The following MACROD2 variants were observed in gnomAD, a reference collection of about 807,000 sequenced individuals.
MACROD2 encodes the protein ADP-ribose glycohydrolase MACROD2.
MACROD2 carries 36 observed loss-of-function variants against 70.4 expected under a neutral mutation model. That is an observed-to-expected ratio of 0.51 (90% CI 0.39 to 0.68). The LOEUF (loss-of-function observed/expected upper bound fraction) is 0.68, where lower values mean the gene tolerates loss of function less well. Among genes scored for constraint, MACROD2 ranks in the 30% least tolerant of loss-of-function variants. MACROD2 has a pLI of 0.00. For missense variants in MACROD2, 496 were observed against 538.4 expected (o/e 0.92, Z 0.78); for synonymous variants, 172 against 178.8 (o/e 0.96, Z 0.30).
chr20:14,095,104 A>G (rs554350608), intron 3 of MACROD2, among the ~76,000 whole-genome samples: 2 of 152,252 alleles, frequency 1.3e-5, no homozygotes, highest in Admixed American at 6.5e-5. Context: ...CCAATCTTGA[A>G]TGAGTGTCAG....
chr20:15,465,064 C>T (rs1312926529), intron 7 of MACROD2, among the ~76,000 whole-genome samples: 1 of 151,990 alleles, frequency 6.6e-6, no homozygotes, highest in Non-Finnish European at 1.5e-5. Flanking sequence ...ATACTCTCTC[C>T]CTATTTTTTT....
At chr20:14,281,230 T>C (rs1431200152) in intron 3 of MACROD2, among the ~76,000 whole-genome samples, 1 of 152,178 alleles carries the variant, frequency 6.6e-6, no homozygotes, top group Non-Finnish European at 1.5e-5. Flanking sequence ...TACAATGGAA[T>C]TATTTGCCCA....
At chr20:14,917,620 C>T (rs1015822949) in intron 5 of MACROD2, among the ~76,000 whole-genome samples, 3 of 152,030 alleles carry the variant, frequency 2.0e-5, no homozygotes, top group South Asian at 4.2e-4. Context: ...AACACACCGA[C>T]TACAACAAAT....
chr20:14,074,758 T>TCGA (rs2053895547), intron 2 of MACROD2, among the ~76,000 whole-genome samples: 1 of 152,194 alleles, frequency 6.6e-6, no homozygotes, highest in Non-Finnish European at 1.5e-5. Context: ...TACAGTAGTC[T>TCGA]CCCCTGATCC....
At chr20:14,503,117 C>G (rs429495) in intron 4 of MACROD2, among the ~76,000 whole-genome samples, 124,813 of 152,098 alleles carry the variant, frequency 0.82, 51,642 homozygotes, top group East Asian at 1. Context: ...CAGGCACATG[C>G]TTGGCACTGG....
At chr20:15,004,511 T>C (rs2075020873) in intron 5 of MACROD2, among the ~76,000 whole-genome samples, 1 of 152,216 alleles carries the variant, frequency 6.6e-6, no homozygotes, top group African/African-American at 2.4e-5. Context: ...TACTACCAGA[T>C]AGCTATCTAT....
rs189889229 is a variant in MACROD2 at position 14,625,308 on chromosome 20, C to G, written c.302-59535C>G. 1.1e-4 allele frequency among the ~76,000 whole-genome samples: 16 copies of G among 151,138 alleles called. 1 individual carries two copies. The highest frequency in any genetic ancestry group is 3.9e-4 in the African/African-American group (16 of 41,122). On this transcript the variant is annotated intron_variant, in intron 4 of 17. Coordinates refer to ENST00000684519, the MANE Select transcript of MACROD2 (RefSeq NM_001351661.2). ...TGCCATTTAACTCTAGCCTGGGTGA[C>G]AAGAGCGAAACTCAGTCTCAAAAAA...
At chr20:14,835,178 T>G (rs1306813874) in intron 5 of MACROD2, among the ~76,000 whole-genome samples, 1 of 152,066 alleles carries the variant, frequency 6.6e-6, no homozygotes, top group Non-Finnish European at 1.5e-5. Context: ...CCATTGTTAC[T>G]TTTTGTTTAT....
rs1020823480 is a variant in MACROD2 at position 14,144,230 on chromosome 20, T to G, written c.271+58502T>G. On this transcript the variant is annotated intron_variant, in intron 3 of 17. Coordinates refer to ENST00000684519, the MANE Select transcript of MACROD2 (RefSeq NM_001351661.2). ...TAAAGAAAAGCAAAAACTTTGAAAT[T>G]TTTTGATAAGTGGAAATATAGATAT... Among the ~76,000 whole-genome samples, 45 of 152,218 alleles carry G rather than the reference T, an allele frequency of 3.0e-4. 4 individuals carry two copies. Among genetic ancestry groups the G allele is most frequent in the Admixed American group, 2.1e-3 (32 of 15,278 alleles).
At chr20:15,213,213 A>C (rs775975920) in intron 5 of MACROD2, among the ~76,000 whole-genome samples, 1 of 152,200 alleles carries the variant, frequency 6.6e-6, no homozygotes. Context: ...AGTGGGCCCT[A>C]GAATGAAGGA....
chr20:14,018,791 C>G (rs192868626), intron 2 of MACROD2, among the ~76,000 whole-genome samples: 14 of 152,290 alleles, frequency 9.2e-5, no homozygotes, highest in Middle Eastern at 3.4e-3. Context: ...TGTCATTGAG[C>G]AGTGGGCTTG....
intron 9 of MACROD2, among the ~76,000 whole-genome samples, chr20:15,866,646 A>G (rs973026528): frequency 1.3e-5 from 2 of 152,194 alleles, no homozygotes; most frequent in Admixed American, 1.3e-4. Context: ...GAAGGCTGAG[A>G]TCAACTTCCA....
At position 14,816,109 on chromosome 20, in the gene MACROD2, A is replaced by G. The variant is rs564440813; in HGVS notation, c.418+131150A>G. 8.2e-4 allele frequency among the ~76,000 whole-genome samples: 125 copies of G among 152,214 alleles called. 1 individual carries two copies. The highest frequency in any genetic ancestry group is 1.6e-3 in the Non-Finnish European group (107 of 67,970). On this transcript the variant is annotated intron_variant, in intron 5 of 17. Transcript: ENST00000684519. Reference sequence around the variant, plus strand: ...AGTTGAGTGGAAAATGGAATGAGCAATACGCCCTCAGTTTACTATTCCTTC... The same window carrying G: ...AGTTGAGTGGAAAATGGAATGAGCAGTACGCCCTCAGTTTACTATTCCTTC...
intron 2 of MACROD2, among the ~76,000 whole-genome samples, chr20:14,039,479 A>C (rs2053359387): frequency 6.6e-6 from 1 of 152,122 alleles, no homozygotes; most frequent in African/African-American, 2.4e-5. Flanking sequence ...TTTTAAATAA[A>C]TCCTTAGTAA....
intron 8 of MACROD2, among the ~76,000 whole-genome samples, chr20:15,513,625 C>T (rs1448762191): frequency 1.3e-5 from 2 of 152,188 alleles, no homozygotes; most frequent in Admixed American, 6.5e-5. Context: ...TATACTCAAA[C>T]CCTACATCAT....
intron 8 of MACROD2, among the ~76,000 whole-genome samples, chr20:15,748,477 T>C (rs927366913): frequency 1.3e-5 from 2 of 152,000 alleles, no homozygotes; most frequent in South Asian, 2.1e-4. Context: ...TTGGGGCTTG[T>C]GGTGGAATAT....
intron 4 of MACROD2, among the ~76,000 whole-genome samples, chr20:14,518,295 TCTAA>T (rs1345477795): frequency 5.9e-5 from 9 of 152,284 alleles, no homozygotes; most frequent in Non-Finnish European, 8.8e-5. Context: ...TATTTAATTA[TCTAA>T]CTAACTCAAC....
intron 4 of MACROD2, among the ~76,000 whole-genome samples, chr20:14,505,916 A>C (rs2084964191): frequency 6.6e-6 from 1 of 152,218 alleles, no homozygotes. Flanking sequence ...CTTAACATCT[A>C]AATAGAATAT....
intron 8 of MACROD2, among the ~76,000 whole-genome samples, chr20:15,654,626 A>T (rs1308785865): frequency 6.6e-6 from 1 of 152,188 alleles, no homozygotes; most frequent in Non-Finnish European, 1.5e-5. Context: ...GAGTGGGGAA[A>T]TGGTTAAGTC....
Sources: gnomAD v4.1 joint callset for allele counts (sites outside exome capture counted in the v4.1 genomes callset) on GRCh38, gnomAD v4.1.1 for gene constraint, MANE v1.5 for transcripts, NCBI Gene and HGNC (gene_info 2026-07-23, HGNC 2026-07-21) for gene names.